Variants in PHF24 observed in about 807,000 individuals in gnomAD.
The protein encoded by PHF24 is Galpha inhibitory interacting protein.
PHF24 carries 25 observed loss-of-function variants against 42.6 expected under a neutral mutation model. That is an observed-to-expected ratio of 0.59 (90% confidence interval 0.43 to 0.82). PHF24 has a LOEUF of 0.82. Ranked by LOEUF, PHF24 falls within the 40% of genes least tolerant of loss-of-function variation. The probability of loss-of-function intolerance (pLI) is 0.00; values close to 1 mark genes in which losing one functional copy is unlikely to be tolerated. For synonymous variants in PHF24, 185 were observed against 204.8 expected (o/e 0.90, Z 0.83); for missense variants, 470 against 538.1 (o/e 0.87, Z 1.25).
At chr9:34,920,556 A>G in the PHF24 span, among the ~76,000 whole-genome samples, 1 of 152,128 alleles carries the variant, frequency 6.6e-6, no homozygotes, top group Non-Finnish European at 1.5e-5. Context: ...CAGTATTTTC[A>G]TAGGGATTGC....
At chr9:34,905,542 A>G in the PHF24 span, among the ~76,000 whole-genome samples, 1 of 152,226 alleles carries the variant, frequency 6.6e-6, no homozygotes, top group African/African-American at 2.4e-5. Flanking sequence ...ATCTCCTTAT[A>G]AATATTATAT....
chr9:34,691,181 C>G, the PHF24 span: 173 of 1,596,548 alleles, frequency 1.1e-4, 1 homozygote, highest in East Asian at 3.8e-3. Flanking sequence ...TGTGTGAGCG[C>G]CAGCTGTCTG....
At chr9:34,690,470 C>A in the PHF24 span, 1 of 538,500 alleles carries the variant, frequency 1.9e-6, no homozygotes, top group Non-Finnish European at 2.9e-6. Flanking sequence ...GTGTGTGTGT[C>A]TGGTGGGGTC....
chr9:34,833,788 A>G, the PHF24 span: 4 of 1,551,456 alleles, frequency 2.6e-6, no homozygotes, highest in South Asian at 4.8e-5. Flanking sequence ...GGCATGGCCC[A>G]AGACTTATAC....
chr9:34,870,961 T>C, the PHF24 span, among the ~76,000 whole-genome samples: 1 of 152,198 alleles, frequency 6.6e-6, no homozygotes, highest in South Asian at 2.1e-4. Context: ...TTTGGATAAA[T>C]ACAAAGAAGC....
Position 34,958,817 on chromosome 9 carries a change from C to T in PHF24, c.-5+416C>T, listed in dbSNP as rs1042646851. 1.1e-4 allele frequency among the ~76,000 whole-genome samples: 16 copies of T among 152,050 alleles called. No homozygotes were observed. Among genetic ancestry groups the T allele is most frequent in the African/African-American group, 3.4e-4 (14 of 41,424 alleles). On this transcript the variant is annotated intron_variant, in intron 1 of 7. Transcript: ENST00000242315. This position sits in a 1 kb window ranked among gnomAD's most constrained non-coding sequence, Gnocchi z 4.5. ...GGTGGTGGAGCCCCCAGAGGGCTCC[C>T]TAGAAAAGGAGGACCTGAGACTGTG...
chr9:34,874,557 C>T, the PHF24 span, among the ~76,000 whole-genome samples: 1 of 152,006 alleles, frequency 6.6e-6, no homozygotes, highest in Admixed American at 6.5e-5. Context: ...GTTTTTTTCT[C>T]TTTGTTATAG....
At chr9:34,944,686 A>G in the PHF24 span, among the ~76,000 whole-genome samples, 3 of 152,148 alleles carry the variant, frequency 2.0e-5, no homozygotes, top group Non-Finnish European at 2.9e-5. Flanking sequence ...TGACTGTAGC[A>G]TAATAGACCT....
the PHF24 span, chr9:34,726,356 A>G: frequency 6.5e-7 from 1 of 1,547,556 alleles, no homozygotes; most frequent in Non-Finnish European, 8.7e-7. Context: ...ATGTACCTCA[A>G]GAAGCCTCAG....
chr9:34,790,393 C>T, the PHF24 span, among the ~76,000 whole-genome samples: 2 of 152,156 alleles, frequency 1.3e-5, no homozygotes, highest in Non-Finnish European at 2.9e-5. Context: ...AAAGCTTTCT[C>T]TTCATAGCCT....
chr9:34,722,778 G>A, the PHF24 span, among the ~76,000 whole-genome samples: 16 of 152,318 alleles, frequency 1.1e-4, no homozygotes, highest in African/African-American at 3.6e-4. Context: ...TTCAACTAAT[G>A]TAAGGTCTTA....
chr9:34,976,099 G>A (rs1032519210), intron 3 of PHF24, 53 bp from the exon 4 acceptor site: 2 of 1,257,024 alleles, frequency 1.6e-6, no homozygotes, highest in African/African-American at 3.0e-5. Context: ...CCTTGACCCT[G>A]GCCTTTCTTA....
chr9:34,946,754 T>C, the PHF24 span, among the ~76,000 whole-genome samples: 106 of 152,282 alleles, frequency 7.0e-4, no homozygotes, highest in South Asian at 0.017. Context: ...TGGAATTTAT[T>C]GACACAAGCA....
the PHF24 span, among the ~76,000 whole-genome samples, chr9:34,923,943 G>A: frequency 6.6e-6 from 1 of 151,576 alleles, no homozygotes; most frequent in African/African-American, 2.4e-5. Context: ...GGCACTTATT[G>A]CTATAAATTT....
chr9:34,937,005 C>G, the PHF24 span, among the ~76,000 whole-genome samples: 1 of 146,250 alleles, frequency 6.8e-6, no homozygotes, highest in South Asian at 2.2e-4. Flanking sequence ...AGGCCAGCCG[C>G]CCCGTCCGGG....
intron 1 of PHF24, among the ~76,000 whole-genome samples, chr9:34,960,414 C>T (rs1343634900): frequency 1.3e-5 from 2 of 152,156 alleles, no homozygotes; most frequent in African/African-American, 4.8e-5. Flanking sequence ...TGCTACCTTG[C>T]GCGCAACTCA....
upstream of PHF24, among the ~76,000 whole-genome samples, chr9:34,957,437 C>T (rs1826400853): frequency 6.6e-6 from 1 of 152,154 alleles, no homozygotes; most frequent in African/African-American, 2.4e-5. Flanking sequence ...TTATCTTTTT[C>T]TTGCCCTCTT....
At chr9:34,690,423 C>CGTGTGTGTGT in the PHF24 span, 2 of 913,182 alleles carry the variant, frequency 2.2e-6, no homozygotes, top group Non-Finnish European at 1.6e-6. Flanking sequence ...ATTGAGGACA[C>CGTGTGTGTGT]CTGTGTGTGT....
At position 34,958,329 on chromosome 9, in the gene PHF24, C is replaced by A. The variant is rs959395500; in HGVS notation, c.-77C>A. On this transcript the variant is annotated 5_prime_UTR_variant, in exon 1 of 8. Transcript: ENST00000242315. This position sits in a 1 kb window ranked among gnomAD's most constrained non-coding sequence, Gnocchi z 4.5. ...CCCAGCACGCCGGCTCTCGGGCTGC[C>A]GTGGGCTGCGCGGGGCCCGCGGTGT... 1.3e-5 allele frequency: 2 copies of A among 151,388 alleles called. No individual in the cohort carries two copies. Among genetic ancestry groups the A allele is most frequent in the African/African-American group, 4.9e-5 (2 of 41,220 alleles). The allele number at this position is 151,388 out of a possible 1,614,324, so 9.4% of individuals were successfully genotyped here.
Sources: gnomAD v4.1 joint callset for allele counts (sites outside exome capture counted in the v4.1 genomes callset) on GRCh38, gnomAD v4.1.1 for gene constraint, Gnocchi (gnomAD v3.1) non-coding constraint, MANE v1.5 for transcripts, NCBI Gene and HGNC (gene_info 2026-07-23, HGNC 2026-07-21) for gene names.